The following MACF1 variants were observed in gnomAD, a reference collection of about 807,000 sequenced individuals.
MACF1 encodes microtubule actin crosslinking factor 1.
A neutral mutation model predicts 854.8 loss-of-function variants in MACF1; 193 were observed. That is an observed-to-expected ratio of 0.23 (90% CI 0.20 to 0.25). The LOEUF is 0.25. Ranked by LOEUF, MACF1 falls within the 10% of genes least tolerant of loss-of-function variation. MACF1 has a pLI of 1.00. For synonymous variants in MACF1, 3,185 were observed against 3,226.7 expected (o/e 0.99, Z 0.44); for missense variants, 7,722 against 8,929.1 (o/e 0.86, Z 5.45).
intron 40 of MACF1, among the ~76,000 whole-genome samples, chr1:39,342,745 C>A (rs188304043): frequency 2.6e-5 from 4 of 152,028 alleles, no homozygotes; most frequent in Non-Finnish European, 4.4e-5. Context: ...GTCTCGAACT[C>A]CTGACCTCAG....
At chr1:39,300,499 C>A in intron 22 of MACF1, 137 bp downstream of exon 22, 9 of 784,936 alleles carry the variant, frequency 1.1e-5, no homozygotes, top group Non-Finnish European at 1.6e-5. Context: ...GAAGTCTCTC[C>A]TATCATTTAA....
chr1:39,283,417 G>A lies in MACF1; in HGVS notation c.817G>A (p.Val273Met). Residue 273 changes from valine (V) to methionine (M), a missense_variant, in exon 9 of 101, where the codon GTG (valine) becomes ATG (methionine). Physicochemically the swap from Val to Met is conservative, Grantham distance 21. Around this residue, in one of 15 missense-constraint regions of MACF1, gnomAD observed 108 missense variants for 196.4 expected, o/e 0.55. Transcript: ENST00000564288. This position sits in a 1 kb window ranked among gnomAD's most constrained non-coding sequence, Gnocchi z 4.5. ...TGTCCATTCTCTCTCAGATGTGGAT[G>A]TGCCATCTCCAGATGAAAAGTCTGT... ...TRLLDAEDVD[V>M]PSPDEKSVIT... 1 of 1,608,440 alleles carries A rather than the reference G, an allele frequency of 6.2e-7. No individual in the cohort carries two copies. Among genetic ancestry groups the A allele is most frequent in the Non-Finnish European group, 8.5e-7 (1 of 1,174,808 alleles).
intron 23 of MACF1, among the ~76,000 whole-genome samples, chr1:39,303,299 T>C (rs900431721): frequency 1.2e-4 from 18 of 152,244 alleles, no homozygotes; most frequent in African/African-American, 4.3e-4. Flanking sequence ...GATATTTCTT[T>C]TTTAAAGAAC....
At chr1:39,187,581 A>G (rs921420656) in intron 2 of MACF1, among the ~76,000 whole-genome samples, 3 of 152,198 alleles carry the variant, frequency 2.0e-5, no homozygotes, top group Admixed American at 2.0e-4. Context: ...GCTTCCTGAG[A>G]AAGGATACAA....
At chr1:39,111,882 A>G (rs1642415913) in intron 2 of MACF1, among the ~76,000 whole-genome samples, 1 of 151,950 alleles carries the variant, frequency 6.6e-6, no homozygotes, top group South Asian at 2.1e-4. Context: ...ATTAGAATTA[A>G]TCTCTGATTC....
intron 2 of MACF1, among the ~76,000 whole-genome samples, chr1:39,093,061 G>A (rs762692890): frequency 7.2e-5 from 11 of 152,106 alleles, no homozygotes; most frequent in Non-Finnish European, 1.2e-4. Context: ...TGGGATTACA[G>A]GTGTGAGCCA....
intron 6 of MACF1, chr1:39,269,790 G>A: frequency 8.5e-7 from 1 of 1,183,346 alleles, no homozygotes; most frequent in Non-Finnish European, 1.1e-6. Flanking sequence ...TATTAAAGCT[G>A]AGTGTGGTGA....
At chr1:39,485,248 CACCTGTGCTGAGGTGGTTGAGCA>C (rs1408691892) in intron 100 of MACF1, 2 of 390,152 alleles carry the variant, frequency 5.1e-6, no homozygotes, top group South Asian at 8.2e-5. Flanking sequence ...CAGGCTCACC[CACCTGTGCTGAGGTGGTTGAGCA>C]ACCTTGCTTG....
chr1:39,346,945 TGTG>T, intron 40 of MACF1, 29 bp from the exon 41 acceptor site: 1 of 1,409,600 alleles, frequency 7.1e-7, no homozygotes, highest in South Asian at 1.2e-5. Context: ...CATGGTTTTT[TGTG>T]TTTTGTTTCC....
intron 2 of MACF1, among the ~76,000 whole-genome samples, chr1:39,149,472 G>A (rs919748508): frequency 4.6e-5 from 7 of 151,984 alleles, no homozygotes; most frequent in African/African-American, 1.7e-4. Flanking sequence ...AGGTCGCTGT[G>A]AGCCGAGATC....
intron 95 of MACF1, chr1:39,468,049 T>G (rs1032370323): frequency 1.3e-5 from 2 of 152,236 alleles, no homozygotes; most frequent in Non-Finnish European, 2.9e-5. Flanking sequence ...CCTCTCCTTT[T>G]GGTGCAGAGG....
At chr1:39,200,196 C>A (rs1265630571), upstream of MACF1, among the ~76,000 whole-genome samples, 1 of 152,182 alleles carries the variant, frequency 6.6e-6, no homozygotes, top group Non-Finnish European at 1.5e-5. Flanking sequence ...TGGTTAATTG[C>A]TACTTTTTAG....
chr1:39,461,773 CAG>C, intron 92 of MACF1, 108 bp from the exon 93 acceptor site: 1 of 804,160 alleles, frequency 1.2e-6, no homozygotes, highest in Non-Finnish European at 1.8e-6. Context: ...GCCTGGGCGA[CAG>C]AGCAAGACCT....
intron 60 of MACF1, among the ~76,000 whole-genome samples, chr1:39,423,642 A>G (rs1395392092): frequency 4.0e-5 from 6 of 151,846 alleles, no homozygotes; most frequent in Non-Finnish European, 8.8e-5. Flanking sequence ...CTCAAAAAAA[A>G]AAAAAAAAAA....
chr1:39,137,509 G>A (rs1249165477), intron 2 of MACF1, among the ~76,000 whole-genome samples: 1 of 152,130 alleles, frequency 6.6e-6, no homozygotes, highest in Admixed American at 6.5e-5. Context: ...GAGACTACAG[G>A]CATGTGCCAT....
intron 2 of MACF1, among the ~76,000 whole-genome samples, chr1:39,092,324 G>A (rs1260683358): frequency 6.6e-6 from 1 of 152,222 alleles, no homozygotes; most frequent in Non-Finnish European, 1.5e-5. Flanking sequence ...GCACCTTAGA[G>A]CTGGTGCCAG....
chr1:39,350,117 C>T (rs1020390740), intron 42 of MACF1, among the ~76,000 whole-genome samples: 9 of 152,118 alleles, frequency 5.9e-5, no homozygotes, highest in African/African-American at 2.2e-4. Flanking sequence ...CATATGAGAA[C>T]ATATAGCAGA....
chr1:39,205,346 CTG>C (rs1312446858), intron 1 of MACF1, among the ~76,000 whole-genome samples: 1 of 152,084 alleles, frequency 6.6e-6, no homozygotes. Flanking sequence ...CTTTTCTGTT[CTG>C]TGAGTCTGTC....
rs796131309 is a variant in MACF1 at position 39,286,474 on chromosome 1, CT to C, written c.1508+726del. 8.6e-3 allele frequency among the ~76,000 whole-genome samples: 1,254 copies of C among 146,596 alleles called. 17 individuals carry two copies. Among genetic ancestry groups the C allele is most frequent in the African/African-American group, 0.029 (1,169 of 39,976 alleles). On this transcript the variant is annotated intron_variant, in intron 14 of 100. Coordinates refer to ENST00000564288, the MANE Select transcript of MACF1 (RefSeq NM_001394062.1). The stretch of plus-strand genomic sequence containing the variant: ...TCATGTGGCTAGTTTTTTTTTTCCC[CT>C]TTTTTTTTTGAGATGGCATCTTGCT...
Sources: allele counts gnomAD v4.1 joint callset (sites outside exome capture counted in the v4.1 genomes callset), GRCh38; gene constraint gnomAD v4.1.1; regional missense constraint gnomAD v4.1.1; non-coding constraint Gnocchi (gnomAD v3.1); transcripts MANE v1.5; gene names NCBI Gene and HGNC (gene_info 2026-07-23, HGNC 2026-07-21).